The following FLT1 variants were observed in gnomAD, a reference collection of about 807,000 sequenced individuals.
FLT1 encodes fms related receptor tyrosine kinase 1.
A neutral mutation model predicts 156.3 loss-of-function variants in FLT1; 49 were observed. That is an observed-to-expected ratio of 0.31 (90% CI 0.25 to 0.40). The LOEUF (loss-of-function observed/expected upper bound fraction) is 0.40. Ranked by LOEUF, FLT1 falls within the 10% of genes least tolerant of loss-of-function variation. The pLI is 1.00. For synonymous variants in FLT1, 594 were observed against 583.8 expected (o/e 1.02, Z -0.25); for missense variants, 1,322 against 1,637.2 (o/e 0.81, Z 3.32).
At chr13:28,321,425 G>A (rs778976245) in intron 23 of FLT1, 38 bp downstream of exon 23, 3 of 1,609,208 alleles carry the variant, frequency 1.9e-6, no homozygotes, top group Admixed American at 1.7e-5. Flanking sequence ...AAAAGTGATA[G>A]GACACACATG....
rs572308483 is a variant in FLT1, at chr13:28,387,242, A to G, written c.1970-2211T>C. 1.5e-5 allele frequency: 16 copies of G among 1,040,516 alleles called. No homozygotes were observed. The South Asian group carries it at 6.9e-4, about 45-fold the overall frequency. 64.5% of individuals were successfully genotyped at this position (1,040,516 alleles called of 1,614,324 possible). A position where few individuals can be genotyped will look rare whatever the true frequency, so the allele number is the denominator to read the frequency against. ...CACTCTGAAATATACAGTAATATGCATTTTTCTTTGTACCCATTTCTGAAA... is the reference window on the plus strand; with the variant it reads ...CACTCTGAAATATACAGTAATATGCGTTTTTCTTTGTACCCATTTCTGAAA... On this transcript the variant is annotated intron_variant, in intron 13 of 29. Transcript: ENST00000282397.
chr13:28,474,630 A>G (rs182973082), intron 1 of FLT1, among the ~76,000 whole-genome samples: 39 of 152,244 alleles, frequency 2.6e-4, no homozygotes, highest in Admixed American at 1.2e-3. Flanking sequence ...TCCTGGAGAC[A>G]GGAAGGTAGA....
intron 1 of FLT1, among the ~76,000 whole-genome samples, chr13:28,484,863 A>T (rs1199096149): frequency 6.8e-6 from 1 of 147,046 alleles, no homozygotes; most frequent in Non-Finnish European, 1.5e-5. Context: ...CCTAAGCATC[A>T]GTTTTTGCAT....
intron 10 of FLT1, among the ~76,000 whole-genome samples, chr13:28,422,141 G>A (rs543297875): frequency 6.6e-6 from 1 of 152,322 alleles, no homozygotes; most frequent in East Asian, 1.9e-4. Flanking sequence ...TGAGCAGATG[G>A]TTGACAGTAT....
At position 28,389,628 on chromosome 13, in the gene FLT1, C is replaced by T. The variant is rs190995506; in HGVS notation, c.1969+168G>A. 2.5e-4 allele frequency: 371 copies of T among 1,474,470 alleles called. 1 individual carries two copies. The African/African-American group carries it at 4.6e-3, about 18-fold the overall frequency. The allele number at this position is 1,474,470 out of a possible 1,614,324, so 91.3% of individuals were successfully genotyped here. ...CTCATTTTGGGAGGAGCATCTCCTCCGAGCCTGAAAGTTAGCAACAGTGAC... is the reference window on the plus strand; with the variant it reads ...CTCATTTTGGGAGGAGCATCTCCTCTGAGCCTGAAAGTTAGCAACAGTGAC... On this transcript the variant is annotated intron_variant, in intron 13 of 29. Coordinates refer to ENST00000282397, the MANE Select transcript of FLT1 (RefSeq NM_002019.4).
At chr13:28,408,142 G>A (rs1390104746) in intron 10 of FLT1, among the ~76,000 whole-genome samples, 7 of 152,172 alleles carry the variant, frequency 4.6e-5, no homozygotes, top group Non-Finnish European at 5.9e-5. Flanking sequence ...GAAAAAGATC[G>A]GGGATACCTT....
At position 28,363,155 on chromosome 13, in the gene FLT1, C is replaced by T. The variant is rs187992626; in HGVS notation, c.2117-5470G>A. Among the ~76,000 whole-genome samples, 591 of 152,300 alleles carry T rather than the reference C, an allele frequency of 3.9e-3. 3 individuals are homozygous for T. The highest frequency in any genetic ancestry group is 0.013 in the African/African-American group (560 of 41,566). ...GATACTCACTTTATATGACCCAAAT[C>T]GTAGGATACAGGCTCTGTTCTGCTG... is the stretch of plus-strand genomic sequence containing the variant. On this transcript the variant is annotated intron_variant, in intron 14 of 29. Transcript: ENST00000282397.
Position 28,346,900 on chromosome 13 carries a change from G to A in FLT1, c.2249-1349C>T, listed in dbSNP as rs113912252. On this transcript the variant is annotated intron_variant, in intron 15 of 29. Transcript: ENST00000282397. ...AGTAATACTCCAGTTTCATACATGA[G>A]CACTTCATCTTGGGGGCTCTCTGTT... Among the ~76,000 whole-genome samples the A allele has an allele frequency of 7.4e-3, 1,125 of 152,250 alleles. 18 individuals carry two copies. Among genetic ancestry groups the A allele is most frequent in the African/African-American group, 0.025 (1,032 of 41,540 alleles).
At position 28,372,566 on chromosome 13, in the gene FLT1, G is replaced by GTATGTATATATATA. The variant is rs1555232434; in HGVS notation, c.2116+12318_2116+12319insTATATATATACATA. Among the ~76,000 whole-genome samples, 8 of 91,458 alleles carry GTATGTATATATATA rather than the reference G, an allele frequency of 8.7e-5. No individual in the cohort carries two copies. The East Asian group carries it at 3.2e-3, about 37-fold the overall frequency. 60.0% of individuals were successfully genotyped at this position (91,458 alleles called of 152,430 possible). A position where few individuals can be genotyped will look rare whatever the true frequency, so the allele number is the denominator to read the frequency against. On this transcript the variant is annotated intron_variant, in intron 14 of 29. Transcript: ENST00000282397. ...CATATATTCCTCGTTTAAATAAAAT[G>GTATGTATATATATA]TATATATATATATATATATATATAT... is the stretch of plus-strand genomic sequence containing the variant.
Position 28,339,179 on chromosome 13 carries a change from C to T in FLT1, c.2477G>A (p.Arg826Lys). The T allele has an allele frequency of 1.9e-6, 3 of 1,614,072 alleles. No individual in the cohort carries two copies. Among genetic ancestry groups the T allele is most frequent in the Non-Finnish European group, 2.5e-6 (3 of 1,179,988 alleles). Residue 826 changes from arginine (R) to lysine (K), a missense_variant, in exon 17 of 30, where the codon AGA becomes AAA. Around this residue, in one of 3 missense-constraint regions of FLT1, gnomAD observed 991 missense variants for 1,254.8 expected, o/e 0.79. Transcript: ENST00000282397. Reference sequence around the variant, plus strand: ...AACAAATATCTTACCCAGTTTAAGTCTCTCCCGGGCAAACTCCCACTTGCT... The same window carrying T: ...AACAAATATCTTACCCAGTTTAAGTTTCTCCCGGGCAAACTCCCACTTGCT... ...DASKWEFARE[R>K]LKLGKSLGRG...
intron 20 of FLT1, 56 bp downstream of exon 20, chr13:28,327,406 G>T: frequency 9.6e-7 from 1 of 1,038,322 alleles, no homozygotes; most frequent in South Asian, 1.3e-5. Flanking sequence ...TGTTGTTACA[G>T]ACTAAATGAA....
chr13:28,399,679 C>G (rs1166775690), intron 11 of FLT1, among the ~76,000 whole-genome samples: 1 of 152,106 alleles, frequency 6.6e-6, no homozygotes, highest in Non-Finnish European at 1.5e-5. Context: ...GAATCCGGGT[C>G]ACAAGATGGA....
At chr13:28,380,725 G>T (rs1018180100) in intron 14 of FLT1, among the ~76,000 whole-genome samples, 1 of 152,018 alleles carries the variant, frequency 6.6e-6, no homozygotes, top group Non-Finnish European at 1.5e-5. Flanking sequence ...TTTGTTTTAG[G>T]GTTGTTTGAC....
intron 14 of FLT1, among the ~76,000 whole-genome samples, chr13:28,380,305 G>A (rs1463206704): frequency 6.6e-6 from 1 of 152,178 alleles, no homozygotes; most frequent in Non-Finnish European, 1.5e-5. Context: ...AAAAGAGTTG[G>A]CAGTTTTGAA....
At chr13:28,343,601 G>A (rs1352116579) in intron 16 of FLT1, among the ~76,000 whole-genome samples, 1 of 150,944 alleles carries the variant, frequency 6.6e-6, no homozygotes, top group East Asian at 1.9e-4. Flanking sequence ...GGGCCACCAC[G>A]CGCGGCCTGC....
chr13:28,318,687 G>A (rs1280751200), intron 24 of FLT1, among the ~76,000 whole-genome samples: 1 of 152,170 alleles, frequency 6.6e-6, no homozygotes, highest in Admixed American at 6.5e-5. Flanking sequence ...GGAAACCAGG[G>A]ATGTTACTGG....
chr13:28,387,394 G>T lies in FLT1; in HGVS notation c.1970-2363C>A, dbSNP rs892856811. 10 of 1,053,920 alleles carry T rather than the reference G, an allele frequency of 9.5e-6. No individual in the cohort carries two copies. The African/African-American group carries it at 1.7e-4, about 17-fold the overall frequency. 65.3% of individuals were successfully genotyped at this position (1,053,920 alleles called of 1,614,324 possible). On this transcript the variant is annotated intron_variant, in intron 13 of 29. Coordinates refer to ENST00000282397, the MANE Select transcript of FLT1 (RefSeq NM_002019.4). ...TATTTTGACATTTTGAATAAGGGAG[G>T]TGCGTTGAACCCATATTTCGAAACC... is the stretch of plus-strand genomic sequence containing the variant.
At chr13:28,353,206 C>A (rs2138867829) in intron 15 of FLT1, among the ~76,000 whole-genome samples, 1 of 152,226 alleles carries the variant, frequency 6.6e-6, no homozygotes, top group Middle Eastern at 3.4e-3. Context: ...GATAGTTATT[C>A]TTCTTCAAGT....
intron 3 of FLT1, among the ~76,000 whole-genome samples, chr13:28,453,788 T>G (rs1879114088): frequency 6.6e-6 from 1 of 152,242 alleles, no homozygotes; most frequent in Non-Finnish European, 1.5e-5. Context: ...CCCATGTTTC[T>G]TTCATTTAAC....
Sources: gnomAD v4.1 joint callset for allele counts (sites outside exome capture counted in the v4.1 genomes callset) on GRCh38, gnomAD v4.1.1 for gene constraint, gnomAD v4.1.1 regional missense constraint, MANE v1.5 for transcripts, NCBI Gene and HGNC (gene_info 2026-07-23, HGNC 2026-07-21) for gene names.